Variants in KIF2C observed in about 807,000 individuals in gnomAD.
KIF2C encodes the protein kinesin-like protein KIF2C.
KIF2C carries 34 observed loss-of-function variants against 97.4 expected under a neutral mutation model. The observed-to-expected ratio is 0.35, with a 90% CI of 0.27 to 0.46. KIF2C has a LOEUF of 0.46. Ranked by LOEUF, KIF2C falls within the 20% of genes least tolerant of loss-of-function variation. The pLI, the probability that KIF2C is intolerant of heterozygous loss-of-function variation, is 1.00. For missense variants in KIF2C, 750 were observed against 907.6 expected, an observed-to-expected ratio of 0.83 and a Z score of 2.23; for synonymous variants, 313 against 318.2, an observed-to-expected ratio of 0.98 and a Z score of 0.17.
intron 10 of KIF2C, among the ~76,000 whole-genome samples, chr1:44,756,748 C>T (rs1454717183): frequency 2.6e-5 from 4 of 151,144 alleles, no homozygotes; most frequent in Non-Finnish European, 4.4e-5. Flanking sequence ...AACAGGGTTT[C>T]GCCCTGTTGG....
At position 44,760,503 on chromosome 1, in the gene KIF2C, C is replaced by T. The variant is rs190338853; in HGVS notation, c.1572+19C>T. Reference sequence around the variant, plus strand: ...CCTGAAGGTAGTGGGGCAGCTAGAGCTGGTTGGCCGGGAGAGCTACTGGGA... The same window carrying T: ...CCTGAAGGTAGTGGGGCAGCTAGAGTTGGTTGGCCGGGAGAGCTACTGGGA... On this transcript the variant is annotated intron_variant, in intron 15 of 20. Coordinates refer to ENST00000372224, the MANE Select transcript of KIF2C (RefSeq NM_006845.4). This position sits in a 1 kb window ranked among gnomAD's most constrained non-coding sequence, Gnocchi z 4.2. The T allele has an allele frequency of 2.5e-6, 4 of 1,613,292 alleles. No homozygotes were observed. The East Asian group carries it at 8.9e-5, about 36-fold the overall frequency.
At chr1:44,751,569 C>T (rs184566002) in intron 5 of KIF2C, among the ~76,000 whole-genome samples, 37 of 143,570 alleles carry the variant, frequency 2.6e-4, no homozygotes, top group Admixed American at 2.0e-3. Flanking sequence ...AGGGCAATGA[C>T]GCTATCTTGG....
intron 16 of KIF2C, 118 bp from the exon 17 acceptor site, chr1:44,761,798 A>G: frequency 1.1e-6 from 1 of 921,416 alleles, no homozygotes; most frequent in South Asian, 1.4e-5. Context: ...CCTCCCACCA[A>G]TACCATGTGG....
At chr1:44,753,919 C>T in intron 7 of KIF2C, 86 bp downstream of exon 7, 1 of 578,808 alleles carries the variant, frequency 1.7e-6, no homozygotes, top group East Asian at 3.6e-5. Context: ...ACAGTTGGGC[C>T]CCAGCATTTC....
chr1:44,752,059 A>T (rs551296434), intron 5 of KIF2C, among the ~76,000 whole-genome samples: 53 of 148,310 alleles, frequency 3.6e-4, no homozygotes, highest in Non-Finnish European at 7.0e-4. Flanking sequence ...TGACCTCGTG[A>T]TCCACCCACC....
At chr1:44,753,949 G>A in intron 7 of KIF2C, 116 bp downstream of exon 7, 1 of 293,280 alleles carries the variant, frequency 3.4e-6, no homozygotes, top group Non-Finnish European at 6.2e-6. Context: ...AGTTCTTGAG[G>A]CCCCAATTCT....
intron 8 of KIF2C, among the ~76,000 whole-genome samples, chr1:44,755,610 C>T (rs528311946): frequency 1.5e-4 from 23 of 152,330 alleles, no homozygotes; most frequent in African/African-American, 5.1e-4. Context: ...TAGTGAGGCC[C>T]ACATGGGGAG....
chr1:44,741,379 C>CAA (rs764626810), intron 2 of KIF2C, among the ~76,000 whole-genome samples: 27 of 58,452 alleles, frequency 4.6e-4, no homozygotes, highest in East Asian at 5.2e-4. Flanking sequence ...GAATCTGTCT[C>CAA]AAAAAAAAAA....
At chr1:44,754,496 G>T (rs879317593) in intron 7 of KIF2C, among the ~76,000 whole-genome samples, 4 of 152,122 alleles carry the variant, frequency 2.6e-5, no homozygotes, top group Non-Finnish European at 5.9e-5. Flanking sequence ...CTTCTGGGAA[G>T]CCCGATCTGC....
chr1:44,759,789 C>T (rs943903627), intron 14 of KIF2C, among the ~76,000 whole-genome samples: 9 of 152,162 alleles, frequency 5.9e-5, no homozygotes, highest in Non-Finnish European at 1.3e-4. Flanking sequence ...TGGTGGAAGT[C>T]GGGAGCTCTG....
At chr1:44,750,413 C>G in intron 4 of KIF2C, 29 bp from the exon 5 acceptor site, 1 of 1,407,178 alleles carries the variant, frequency 7.1e-7, no homozygotes, top group Non-Finnish European at 9.4e-7. Context: ...TCGTGCAGCA[C>G]TGACTGGCTA....
chr1:44,752,055 C>T (rs1428323602), intron 5 of KIF2C, among the ~76,000 whole-genome samples: 2 of 150,496 alleles, frequency 1.3e-5, no homozygotes, highest in African/African-American at 2.5e-5. Flanking sequence ...CTCCTGACCT[C>T]GTGATCCACC....
At chr1:44,740,485 T>C (rs1648877768) in intron 1 of KIF2C, among the ~76,000 whole-genome samples, 1 of 152,144 alleles carries the variant, frequency 6.6e-6, no homozygotes, top group African/African-American at 2.4e-5. Context: ...GATACCCGTG[T>C]CATTAGGGAA....
intron 2 of KIF2C, among the ~76,000 whole-genome samples, chr1:44,745,499 G>A (rs1198562411): frequency 1.5e-5 from 1 of 66,700 alleles, no homozygotes; most frequent in Non-Finnish European, 2.7e-5. Context: ...TTGAGACAGT[G>A]TTTCGCTCTT....
At chr1:44,746,563 C>G (rs1477533685) in intron 2 of KIF2C, 1 of 1,358,772 alleles carries the variant, frequency 7.4e-7, no homozygotes, top group Non-Finnish European at 9.4e-7. Context: ...TCCTCCGTGT[C>G]AGCCATCAAG....
intron 4 of KIF2C, among the ~76,000 whole-genome samples, chr1:44,748,098 C>T (rs559069742): frequency 1.6e-4 from 25 of 152,162 alleles, no homozygotes; most frequent in African/African-American, 5.3e-4. Context: ...CAGTTGGTGG[C>T]GCTATAGAGA....
chr1:44,751,570 G>A lies in KIF2C; in HGVS notation c.439+1006G>A, dbSNP rs895646990. On this transcript the variant is annotated intron_variant, in intron 5 of 20. Coordinates refer to ENST00000372224, the MANE Select transcript of KIF2C (RefSeq NM_006845.4). ...GTTGCCCAGGCTGGAGGGCAATGAC[G>A]CTATCTTGGCTAACCTCAATCTCTG... Among the ~76,000 whole-genome samples the A allele has an allele frequency of 4.1e-5, 6 of 147,546 alleles. No individual in the cohort carries two copies. In the Admixed American group the frequency reaches 4.2e-4, roughly 10 times the overall value.
chr1:44,741,371 A>G (rs1357972154), intron 2 of KIF2C, among the ~76,000 whole-genome samples: 1 of 145,006 alleles, frequency 6.9e-6, no homozygotes, highest in Non-Finnish European at 1.5e-5. Context: ...GACAGTGAGA[A>G]TCTGTCTCAA....
intron 8 of KIF2C, 78 bp from the exon 9 acceptor site, chr1:44,755,851 G>C (rs887649074): frequency 7.3e-7 from 1 of 1,363,948 alleles, no homozygotes; most frequent in African/African-American, 1.4e-5. Context: ...ATTGGAAGGG[G>C]TGGGAGTTCT....
Sources: gnomAD v4.1 joint callset for allele counts (sites outside exome capture counted in the v4.1 genomes callset) on GRCh38, gnomAD v4.1.1 for gene constraint, Gnocchi (gnomAD v3.1) non-coding constraint, MANE v1.5 for transcripts, NCBI Gene and HGNC (gene_info 2026-07-23, HGNC 2026-07-21) for gene names.